The following NCAPD2 variants were observed in gnomAD, a reference collection of about 807,000 sequenced individuals.
The protein encoded by NCAPD2 is non-SMC condensin I complex subunit D2.
In NCAPD2, 100 loss-of-function variants were observed where a neutral mutation model predicts 164.5. That is an observed-to-expected ratio of 0.61 (90% confidence interval 0.52 to 0.72). The LOEUF (loss-of-function observed/expected upper bound fraction) is 0.72, where lower values mean the gene tolerates loss of function less well. Among genes scored for constraint, NCAPD2 ranks in the 30% least tolerant of loss-of-function variants. The pLI is 0.00. For synonymous variants in NCAPD2, 585 were observed against 642.6 expected (o/e 0.91, Z 1.36); for missense variants, 1,560 against 1,749.2 (o/e 0.89, Z 1.93).
intron 6 of NCAPD2, among the ~76,000 whole-genome samples, chr12:6,512,008 G>A (rs528935208): frequency 2.0e-5 from 3 of 151,672 alleles, no homozygotes; most frequent in South Asian, 2.1e-4. Context: ...AGGGCCAGGC[G>A]CGGTGGCTCA....
chr12:6,515,930 G>A (rs1183384942), intron 9 of NCAPD2, among the ~76,000 whole-genome samples: 8 of 152,060 alleles, frequency 5.3e-5, no homozygotes, highest in African/African-American at 1.7e-4. Flanking sequence ...GGTGGCTCAC[G>A]CCTGTAATCC....
intron 2 of NCAPD2, among the ~76,000 whole-genome samples, chr12:6,501,638 T>G (rs1946038188): frequency 6.6e-6 from 1 of 152,174 alleles, no homozygotes; most frequent in South Asian, 2.1e-4. Flanking sequence ...CATTTAGGAT[T>G]TAATACTCAG....
intron 2 of NCAPD2, among the ~76,000 whole-genome samples, chr12:6,501,472 GC>G (rs1217390576): frequency 1.3e-5 from 2 of 152,088 alleles, no homozygotes; most frequent in Non-Finnish European, 2.9e-5. Flanking sequence ...ACAGGCGTGG[GC>G]CACCACACCC....
chr12:6,496,980 A>G (rs1490853896), intron 2 of NCAPD2, among the ~76,000 whole-genome samples: 1 of 152,314 alleles, frequency 6.6e-6, no homozygotes, highest in East Asian at 1.9e-4. Flanking sequence ...CCACTGTCGC[A>G]TATGTGGTCT....
chr12:6,531,448 T>C lies in NCAPD2; in HGVS notation c.*36T>C. ...CCTGTCCTCCCTGTGCAGGGTATCC[T>C]GTAGGGTGACCTGGAATTCGAATTC... is the stretch of plus-strand genomic sequence containing the variant. On this transcript the variant is annotated 3_prime_UTR_variant, in exon 32 of 32. Transcript: ENST00000315579. This position sits in a 1 kb window ranked among gnomAD's most constrained non-coding sequence, Gnocchi z 4.1. The C allele has an allele frequency of 6.2e-7, 1 of 1,609,564 alleles. No homozygotes were observed. Among genetic ancestry groups the C allele is most frequent in the Non-Finnish European group, 8.5e-7 (1 of 1,178,502 alleles).
intron 3 of NCAPD2, 135 bp downstream of exon 3, chr12:6,509,927 C>G: frequency 8.0e-7 from 1 of 1,248,262 alleles, no homozygotes; most frequent in Non-Finnish European, 1.2e-6. Flanking sequence ...TACTGATGAG[C>G]ATGTACCCAG....
intron 27 of NCAPD2, chr12:6,529,291 T>G: frequency 1.6e-6 from 1 of 617,990 alleles, no homozygotes; most frequent in Non-Finnish European, 2.8e-6. Flanking sequence ...CCCTAGCAGC[T>G]GCTCCTGTTA....
rs530504702 is a variant in NCAPD2 at position 6,529,149 on chromosome 12, G to A, written c.3572+110G>A. 9.0e-5 allele frequency: 85 copies of A among 944,442 alleles called. No homozygotes were observed. In the South Asian group the frequency reaches 1.2e-3, roughly 13 times the overall value. 58.5% of individuals were successfully genotyped at this position (944,442 alleles called of 1,614,324 possible). On this transcript the variant is annotated intron_variant, in intron 27 of 31. Transcript: ENST00000315579. The stretch of plus-strand genomic sequence containing the variant: ...GCTACTCTTTAGCTGTACAGCCTTC[G>A]GCAATAACTTAGCCTCTCTTTGTGC...
chr12:6,509,761 C>T lies in NCAPD2; in HGVS notation c.172C>T (p.Gln58Ter). ...AGCTCAGGGGCCCCTGGCTATGCTG[C>T]AGCACTTTGATACTATCTACAGCAT... ...FRAQGPLAML[Q>*]HFDTIYSILH... Residue 58 changes from glutamine (Q) to a stop codon, truncating the protein, a stop_gained, in exon 3 of 32, where the codon CAG (glutamine) becomes TAG (stop). Transcript: ENST00000315579. LOFTEE classifies it high-confidence loss of function. 3 of 1,614,086 alleles carry T rather than the reference C, an allele frequency of 1.9e-6. No homozygotes were observed. Among genetic ancestry groups the T allele is most frequent in the East Asian group, 4.5e-5 (2 of 44,884 alleles).
At chr12:6,504,504 G>A (rs1177817350) in intron 2 of NCAPD2, among the ~76,000 whole-genome samples, 1 of 151,562 alleles carries the variant, frequency 6.6e-6, no homozygotes, top group Non-Finnish European at 1.5e-5. Flanking sequence ...GTGATTTTCC[G>A]GCCTTAGCCT....
intron 2 of NCAPD2, among the ~76,000 whole-genome samples, chr12:6,498,798 G>T (rs561411507): frequency 2.5e-4 from 38 of 152,018 alleles, no homozygotes; most frequent in Non-Finnish European, 4.9e-4. Flanking sequence ...AGTAGAGACG[G>T]GTTTCACCAT....
intron 2 of NCAPD2, among the ~76,000 whole-genome samples, chr12:6,509,463 A>T (rs557011135): frequency 1.3e-5 from 2 of 152,032 alleles, no homozygotes; most frequent in Non-Finnish European, 2.9e-5. Context: ...GGGTCTCACG[A>T]TGTTGGCCAG....
At position 6,521,882 on chromosome 12, in the gene NCAPD2, C is replaced by G. The variant is rs1450987147; in HGVS notation, c.1799C>G (p.Pro600Arg). ...VTGQTVCKNK[P>R]NMSDPEESRG... ...GGACAGACTGTCTGTAAAAATAAACCCAATATGTCGGATCCTGAGGAATCC... is the reference window on the plus strand; with the variant it reads ...GGACAGACTGTCTGTAAAAATAAACGCAATATGTCGGATCCTGAGGAATCC... Residue 600 changes from proline to arginine, a missense_variant, in exon 15 of 32, where the codon CCC becomes CGC. Transcript: ENST00000315579. The G allele has an allele frequency of 7.4e-6, 12 of 1,613,954 alleles. No homozygotes were observed. In the South Asian group the frequency reaches 1.3e-4, roughly 18 times the overall value.
chr12:6,503,757 C>T (rs181688001), intron 2 of NCAPD2, among the ~76,000 whole-genome samples: 6 of 145,540 alleles, frequency 4.1e-5, no homozygotes, highest in Middle Eastern at 3.8e-3. Context: ...GGTGACAGAG[C>T]GAGACTCCAT....
At position 6,504,216 on chromosome 12, in the gene NCAPD2, T is replaced by TATATATACAC. The variant is rs1406807438; in HGVS notation, c.128-5500_128-5499insTATATACACA. Among the ~76,000 whole-genome samples the TATATATACAC allele has an allele frequency of 3.2e-3, 75 of 23,168 alleles. 3 individuals are homozygous for TATATATACAC. The highest frequency in any genetic ancestry group is 0.016 in the Admixed American group (27 of 1,690). 15.2% of individuals were successfully genotyped at this position (23,168 alleles called of 152,430 possible). On this transcript the variant is annotated intron_variant, in intron 2 of 31. Coordinates refer to ENST00000315579, the MANE Select transcript of NCAPD2 (RefSeq NM_014865.4). ...ATATATATATATATATATATATATATAGATATAGATATATATATATATATA... is the reference window on the plus strand; with the variant it reads ...ATATATATATATATATATATATATATATATATACACAGATATAGATATATATATATATATA...
rs535639563 is a variant in NCAPD2 at position 6,516,749 on chromosome 12, A to C, written c.988-79A>C. 211 of 1,379,450 alleles carry C rather than the reference A, an allele frequency of 1.5e-4. 2 individuals carry two copies. In the South Asian group the frequency reaches 2.4e-3, roughly 16 times the overall value. 85.5% of individuals were successfully genotyped at this position (1,379,450 alleles called of 1,614,324 possible). A position where few individuals can be genotyped will look rare whatever the true frequency, so the allele number is the denominator to read the frequency against. ...CTTGGGAGTGAATACCTAGGCAGTT[A>C]ATGGAAAAAGTTATGGCCAAGCACA... On this transcript the variant is annotated intron_variant, in intron 9 of 31. Coordinates refer to ENST00000315579, the MANE Select transcript of NCAPD2 (RefSeq NM_014865.4).
chr12:6,527,104 C>A, intron 22 of NCAPD2, 41 bp downstream of exon 22: 1 of 1,567,598 alleles, frequency 6.4e-7, no homozygotes, highest in Non-Finnish European at 8.7e-7. Context: ...TTATTTCATA[C>A]CTCAGCTCAG....
At chr12:6,501,468 G>A (rs1023714108) in intron 2 of NCAPD2, among the ~76,000 whole-genome samples, 4 of 152,084 alleles carry the variant, frequency 2.6e-5, no homozygotes, top group Non-Finnish European at 5.9e-5. Context: ...GATTACAGGC[G>A]TGGGCCACCA....
In NCAPD2 at chr12:6,511,980, G is replaced by A. The variant is rs373399873; in HGVS notation, c.587+728G>A. On this transcript the variant is annotated intron_variant, in intron 6 of 31. Transcript: ENST00000315579. Reference sequence around the variant, plus strand: ...TCCTGGGCGACAAGAGCAAAATCCCGTCTCAAAAAAAATAGATAGGGCCAG... The same window carrying A: ...TCCTGGGCGACAAGAGCAAAATCCCATCTCAAAAAAAATAGATAGGGCCAG... Among the ~76,000 whole-genome samples, 39 of 137,632 alleles carry A rather than the reference G, an allele frequency of 2.8e-4. No homozygotes were observed. In the South Asian group the frequency reaches 8.0e-3, roughly 28 times the overall value. 90.3% of individuals were successfully genotyped at this position (137,632 alleles called of 152,430 possible). A position where few individuals can be genotyped will look rare whatever the true frequency, so the allele number is the denominator to read the frequency against.
Sources: gnomAD v4.1 joint callset for allele counts (sites outside exome capture counted in the v4.1 genomes callset) on GRCh38, gnomAD v4.1.1 for gene constraint, Gnocchi (gnomAD v3.1) non-coding constraint, MANE v1.5 for transcripts, NCBI Gene and HGNC (gene_info 2026-07-23, HGNC 2026-07-21) for gene names.